EIF3A: variants seen among roughly 807,000 people sequenced by gnomAD.
EIF3A encodes the protein EIF3, p180 subunit.
In EIF3A, 21 loss-of-function variants were observed where a neutral mutation model predicts 186.6. That is an observed-to-expected ratio of 0.11 (90% CI 0.08 to 0.16). EIF3A has a LOEUF of 0.16. Ranked by LOEUF, EIF3A falls within the 10% of genes least tolerant of loss-of-function variation. The pLI, the probability that EIF3A is intolerant of heterozygous loss-of-function variation, is 1.00. For synonymous variants in EIF3A, 563 were observed against 584.3 expected (o/e 0.96, Z 0.52); for missense variants, 1,306 against 1,796.3 (o/e 0.73, Z 4.93).
chr10:119,077,529 T>C lies in EIF3A; in HGVS notation c.49+3099A>G, dbSNP rs189125174. Among the ~76,000 whole-genome samples the C allele has an allele frequency of 2.0e-5, 3 of 152,050 alleles. No individual in the cohort carries two copies. In the East Asian group the frequency reaches 5.8e-4, roughly 29 times the overall value. ...GTGAGTCTTCTGCCTTTGTCCTAAT[T>C]TATATACAAGAATTTAGTTCCTCCG... On this transcript the variant is annotated intron_variant, in intron 1 of 21. Coordinates refer to ENST00000369144, the MANE Select transcript of EIF3A (RefSeq NM_003750.4).
intron 19 of EIF3A, among the ~76,000 whole-genome samples, chr10:119,040,084 G>A (rs929320251): frequency 1.4e-4 from 21 of 152,238 alleles, no homozygotes; most frequent in African/African-American, 5.1e-4. Context: ...AATGAAGTGA[G>A]ACTAGAAGAG....
At chr10:119,074,461 G>A (rs926360468) in intron 1 of EIF3A, among the ~76,000 whole-genome samples, 3 of 83,580 alleles carry the variant, frequency 3.6e-5, no homozygotes, top group Non-Finnish European at 7.7e-5. Flanking sequence ...GCGAAATTCC[G>A]TGTCTCAAAA....
chr10:119,037,070 C>A lies in EIF3A; in HGVS notation c.3919+49G>T, dbSNP rs371673493. ...ATTAAATAACCCAAATCCCCCCCCC[C>A]CCAGAAACGACAGTTCTCCAATACT... On this transcript the variant is annotated intron_variant, in intron 21 of 21. Coordinates refer to ENST00000369144, the MANE Select transcript of EIF3A (RefSeq NM_003750.4). 2.6e-4 allele frequency: 258 copies of A among 996,682 alleles called. 8 individuals are homozygous for A. Among genetic ancestry groups the A allele is most frequent in the South Asian group, 2.2e-3 (113 of 51,782 alleles). The allele number at this position is 996,682 out of a possible 1,614,324, so 61.7% of individuals were successfully genotyped here.
At chr10:119,043,113 A>T (rs769369759) in intron 18 of EIF3A, among the ~76,000 whole-genome samples, 3 of 151,898 alleles carry the variant, frequency 2.0e-5, no homozygotes, top group Non-Finnish European at 2.9e-5. Context: ...TCAAAACCCC[A>T]TCACTATAAA....
chr10:119,049,130 C>T (rs1250645661), intron 17 of EIF3A, among the ~76,000 whole-genome samples: 1 of 152,078 alleles, frequency 6.6e-6, no homozygotes, highest in African/African-American at 2.4e-5. Flanking sequence ...CCTTAGGTGC[C>T]TTCTGTTCTT....
At chr10:119,076,176 C>T (rs922176313) in intron 1 of EIF3A, among the ~76,000 whole-genome samples, 11 of 150,934 alleles carry the variant, frequency 7.3e-5, no homozygotes, top group Non-Finnish European at 1.3e-4. Flanking sequence ...ACTAAAAATA[C>T]AAAAAATTAG....
rs1380978685 is a variant in EIF3A at position 119,034,261 on chromosome 10, A to T, written c.*1778T>A. The T allele has an allele frequency of 6.0e-6, 1 of 166,968 alleles. No individual in the cohort carries two copies. Among genetic ancestry groups the T allele is most frequent in the Admixed American group, 6.5e-5 (1 of 15,282 alleles). 10.3% of individuals were successfully genotyped at this position (166,968 alleles called of 1,614,324 possible). On this transcript the variant is annotated 3_prime_UTR_variant, in exon 22 of 22. Transcript: ENST00000369144. ...TTGGGTTCTGACTCCCAGAACAAAG[A>T]ACTTGGGAGAACAGTACGGGAGACT... is the stretch of plus-strand genomic sequence containing the variant.
intron 1 of EIF3A, among the ~76,000 whole-genome samples, chr10:119,077,040 T>C (rs1159974593): frequency 6.6e-6 from 1 of 151,856 alleles, no homozygotes; most frequent in East Asian, 1.9e-4. Flanking sequence ...ATGCGTTTAA[T>C]GGAATTTATA....
intron 1 of EIF3A, among the ~76,000 whole-genome samples, chr10:119,074,991 T>C (rs1564762127): frequency 6.8e-6 from 1 of 146,450 alleles, no homozygotes; most frequent in African/African-American, 2.5e-5. Context: ...TTTCTTTTTT[T>C]TTTTTTTTGA....
intron 17 of EIF3A, among the ~76,000 whole-genome samples, chr10:119,046,072 G>A (rs1346451580): frequency 6.6e-6 from 1 of 152,188 alleles, no homozygotes; most frequent in African/African-American, 2.4e-5. Context: ...TAAGGAGACT[G>A]AATCCTTAGA....
intron 9 of EIF3A, among the ~76,000 whole-genome samples, 181 bp downstream of exon 9, chr10:119,060,565 G>A (rs1411095782): frequency 7.2e-5 from 11 of 152,142 alleles, no homozygotes; most frequent in African/African-American, 2.6e-4. Context: ...AAACAAAAGC[G>A]TCCGTTACAA....
intron 1 of EIF3A, among the ~76,000 whole-genome samples, chr10:119,076,667 C>T (rs1331274746): frequency 1.3e-5 from 2 of 151,864 alleles, no homozygotes; most frequent in African/African-American, 2.4e-5. Flanking sequence ...TACAGCCAGG[C>T]GCCTTGGCTC....
intron 1 of EIF3A, among the ~76,000 whole-genome samples, chr10:119,078,390 A>C (rs1188820791): frequency 1.4e-5 from 1 of 71,042 alleles, no homozygotes; most frequent in Non-Finnish European, 4.1e-5. Context: ...ATTCTACTTA[A>C]ATTTATTTAC....
At chr10:119,061,356 C>A in intron 7 of EIF3A, 28 bp from the exon 8 acceptor site, 1 of 1,034,272 alleles carries the variant, frequency 9.7e-7, no homozygotes, top group Non-Finnish European at 1.4e-6. Context: ...AAAGATGTAA[C>A]TGCCAAAGGA....
chr10:119,056,676 G>A, intron 14 of EIF3A, 64 bp downstream of exon 14: 1 of 1,051,232 alleles, frequency 9.5e-7, no homozygotes. Context: ...TGAATCCTTG[G>A]TTCCATTACT....
chr10:119,061,354 A>G, intron 7 of EIF3A, 26 bp from the exon 8 acceptor site: 1 of 1,074,948 alleles, frequency 9.3e-7, no homozygotes, highest in Non-Finnish European at 1.4e-6. Flanking sequence ...CAAAAGATGT[A>G]ACTGCCAAAG....
chr10:119,036,683 A>G (rs1050554023), intron 21 of EIF3A, among the ~76,000 whole-genome samples: 2 of 152,216 alleles, frequency 1.3e-5, no homozygotes, highest in African/African-American at 2.4e-5. Context: ...AAATTCTCTC[A>G]TAACAGGATG....
intron 6 of EIF3A, among the ~76,000 whole-genome samples, chr10:119,065,966 A>G (rs1356105328): frequency 2.0e-5 from 3 of 151,996 alleles, no homozygotes; most frequent in Non-Finnish European, 4.4e-5. Context: ...AATACAAAAA[A>G]TTAGCCAGGC....
intron 16 of EIF3A, among the ~76,000 whole-genome samples, 197 bp from the exon 17 acceptor site, chr10:119,050,182 T>C (rs1249784049): frequency 6.6e-6 from 1 of 152,144 alleles, no homozygotes; most frequent in East Asian, 1.9e-4. Flanking sequence ...TGTAATAAGA[T>C]ACTAGAATCC....
Sources: gnomAD v4.1 joint callset for allele counts (sites outside exome capture counted in the v4.1 genomes callset) on GRCh38, gnomAD v4.1.1 for gene constraint, MANE v1.5 for transcripts, NCBI Gene and HGNC (gene_info 2026-07-23, HGNC 2026-07-21) for gene names.